Variants in PIBF1 observed in about 807,000 individuals in gnomAD.
PIBF1 encodes the protein progesterone immunomodulatory binding factor 1, also known as progesterone-induced-blocking factor 1.
A neutral mutation model predicts 112.5 loss-of-function variants in PIBF1; 90 were observed. The observed-to-expected ratio is 0.80, with a 90% CI of 0.67 to 0.95. The LOEUF (loss-of-function observed/expected upper bound fraction) is 0.95. Among genes scored for constraint, PIBF1 ranks in the 40% least tolerant of loss-of-function variants. PIBF1 has a pLI of 0.00. For synonymous variants in PIBF1, 301 were observed against 288.6 expected, an observed-to-expected ratio of 1.04 and a Z score of -0.44; for missense variants, 915 against 852.3, an observed-to-expected ratio of 1.07 and a Z score of -0.92.
chr13:72,856,551 G>C (rs953373964), intron 10 of PIBF1, among the ~76,000 whole-genome samples: 1 of 152,162 alleles, frequency 6.6e-6, no homozygotes, highest in Non-Finnish European at 1.5e-5. Flanking sequence ...GCTCAGGACT[G>C]TAAAGGACAT....
In PIBF1 at chr13:72,934,203, G is replaced by T. The variant is rs146095278; in HGVS notation, c.1833+2936G>T. Among the ~76,000 whole-genome samples, 1,296 of 152,160 alleles carry T rather than the reference G, an allele frequency of 8.5e-3. 66 individuals are homozygous for T. The highest frequency in any genetic ancestry group is 9.7e-3 in the East Asian group (50 of 5,180). Reference sequence around the variant, plus strand: ...ATTATATAAACTAGATGAATGATTAGTATTAGATTGCTGTTATAACAATAG... The same window carrying T: ...ATTATATAAACTAGATGAATGATTATTATTAGATTGCTGTTATAACAATAG... On this transcript the variant is annotated intron_variant, in intron 14 of 17. Transcript: ENST00000326291.
chr13:72,971,636 T>C (rs2042894102), intron 15 of PIBF1, among the ~76,000 whole-genome samples: 1 of 152,242 alleles, frequency 6.6e-6, no homozygotes, highest in Admixed American at 6.5e-5. Flanking sequence ...ATAACATTTA[T>C]ATAGTTTTAT....
At chr13:72,911,058 G>C (rs564480433) in intron 12 of PIBF1, among the ~76,000 whole-genome samples, 1 of 152,224 alleles carries the variant, frequency 6.6e-6, no homozygotes, top group South Asian at 2.1e-4. Flanking sequence ...CACTCCTGCA[G>C]TCCCAGCTAC....
At chr13:72,928,683 G>C (rs1271562759) in intron 13 of PIBF1, among the ~76,000 whole-genome samples, 4 of 152,112 alleles carry the variant, frequency 2.6e-5, no homozygotes, top group African/African-American at 9.7e-5. Context: ...CAGGTGATCT[G>C]CCTGCCTCAG....
chr13:72,815,758 T>G (rs1350913549), intron 5 of PIBF1, among the ~76,000 whole-genome samples: 3 of 152,184 alleles, frequency 2.0e-5, no homozygotes, highest in Non-Finnish European at 4.4e-5. Context: ...CTTGAAGTCC[T>G]AGGCTTAAGC....
Position 72,803,692 on chromosome 13 carries a change from A to T in PIBF1, c.672+5666A>T, listed in dbSNP as rs118091334. On this transcript the variant is annotated intron_variant, in intron 5 of 17. Transcript: ENST00000326291. ...GTCACAAAAAGTTGAGTTTCGATTT[A>T]AAAAACAACTGAAGAATATATTTAT... 8.7e-3 allele frequency among the ~76,000 whole-genome samples: 1,322 copies of T among 152,306 alleles called. 68 individuals are homozygous for T. Among genetic ancestry groups the T allele is most frequent in the East Asian group, 9.2e-3 (48 of 5,190 alleles).
At chr13:72,893,553 G>A (rs758916132) in intron 10 of PIBF1, among the ~76,000 whole-genome samples, 11 of 152,008 alleles carry the variant, frequency 7.2e-5, no homozygotes, top group Non-Finnish European at 1.5e-4. Flanking sequence ...ATTTTGGCTA[G>A]AAAGAATGAA....
At chr13:72,925,178 A>T (rs191368010) in intron 13 of PIBF1, among the ~76,000 whole-genome samples, 1 of 152,332 alleles carries the variant, frequency 6.6e-6, no homozygotes, top group East Asian at 1.9e-4. Context: ...CAGGATATAG[A>T]CATCAGTTCA....
intron 14 of PIBF1, among the ~76,000 whole-genome samples, chr13:72,951,582 G>T (rs972345407): frequency 6.6e-6 from 1 of 152,132 alleles, no homozygotes; most frequent in South Asian, 2.1e-4. Context: ...AAAGGGCTAC[G>T]TACGGTATGA....
At chr13:72,920,785 G>C (rs9573065) in intron 13 of PIBF1, among the ~76,000 whole-genome samples, 90,045 of 151,342 alleles carry the variant, frequency 0.59, 27,396 homozygotes, top group East Asian at 0.76. Flanking sequence ...GCAACATAGA[G>C]AGACTCCCAT....
Position 72,902,135 on chromosome 13 carries a change from A to G in PIBF1, c.1489-6396A>G, listed in dbSNP as rs1248965914. Among the ~76,000 whole-genome samples, 2 of 150,736 alleles carry G rather than the reference A, an allele frequency of 1.3e-5. 1 individual carries two copies. Among genetic ancestry groups the G allele is most frequent in the Admixed American group, 1.3e-4 (2 of 14,842 alleles). On this transcript the variant is annotated intron_variant, in intron 11 of 17. Transcript: ENST00000326291. ...TTATTCTAAGGGAAGTAACTCAGGA[A>G]TGGAAAACCAAATGTCACATGTTCT...
At chr13:72,804,881 TTGTTCAATAAG>T (rs1266744727) in intron 5 of PIBF1, among the ~76,000 whole-genome samples, 2 of 152,318 alleles carry the variant, frequency 1.3e-5, no homozygotes, top group Non-Finnish European at 2.9e-5. Context: ...AAGTGTTACT[TTGTTCAATAAG>T]TGTTCAATAA....
intron 17 of PIBF1, 94 bp from the exon 18 acceptor site, chr13:73,015,775 A>G (rs753180545): frequency 7.5e-6 from 4 of 536,820 alleles, no homozygotes; most frequent in Non-Finnish European, 1.2e-5. Context: ...TATAGCTTAC[A>G]TAAAAAAACC....
At chr13:72,927,154 T>G (rs2041511687) in intron 13 of PIBF1, among the ~76,000 whole-genome samples, 1 of 151,728 alleles carries the variant, frequency 6.6e-6, no homozygotes, top group African/African-American at 2.4e-5. Flanking sequence ...CTGCAACCTC[T>G]GCCTCCCGGG....
chr13:72,981,130 A>G (rs1023777628), intron 16 of PIBF1, among the ~76,000 whole-genome samples: 2 of 151,708 alleles, frequency 1.3e-5, no homozygotes, highest in Non-Finnish European at 2.9e-5. Flanking sequence ...CCGTAGTCCC[A>G]GCTACTCGGG....
intron 3 of PIBF1, among the ~76,000 whole-genome samples, chr13:72,794,661 CTT>C (rs1374306518): frequency 7.2e-5 from 11 of 152,206 alleles, no homozygotes; most frequent in Admixed American, 2.0e-4. Context: ...CACAAGCACT[CTT>C]GTCTGCCACC....
chr13:72,802,069 A>G (rs1298202788), intron 5 of PIBF1, among the ~76,000 whole-genome samples: 2 of 152,214 alleles, frequency 1.3e-5, no homozygotes, highest in African/African-American at 4.8e-5. Flanking sequence ...CATACAAAAT[A>G]TGTACTAATA....
At chr13:72,878,061 A>G (rs2039482513) in intron 10 of PIBF1, among the ~76,000 whole-genome samples, 1 of 151,920 alleles carries the variant, frequency 6.6e-6, no homozygotes, top group African/African-American at 2.4e-5. Flanking sequence ...CATTTCTGCT[A>G]TTAGTAATTT....
intron 5 of PIBF1, among the ~76,000 whole-genome samples, chr13:72,819,053 C>T (rs551959750): frequency 6.6e-6 from 1 of 152,210 alleles, no homozygotes; most frequent in East Asian, 1.9e-4. Context: ...AACAAATCTA[C>T]TCACATCTGC....
Sources: gnomAD v4.1 joint callset for allele counts (sites outside exome capture counted in the v4.1 genomes callset) on GRCh38, gnomAD v4.1.1 for gene constraint, MANE v1.5 for transcripts, NCBI Gene and HGNC (gene_info 2026-07-23, HGNC 2026-07-21) for gene names.